LIMCH1: variants seen among roughly 807,000 people sequenced by gnomAD.
LIMCH1 encodes the protein LIM and calponin homology domains 1, also known as LIM and calponin homology domains-containing protein 1.
In LIMCH1, 113 loss-of-function variants were observed where a neutral mutation model predicts 176.5. The observed-to-expected ratio is 0.64, with a 90% CI of 0.55 to 0.75. The LOEUF is 0.75. LIMCH1 is among the 30% of genes least tolerant of loss of function. The pLI is 0.00. For missense variants in LIMCH1, 1,674 were observed against 1,814.9 expected, an observed-to-expected ratio of 0.92 and a Z score of 1.41; for synonymous variants, 619 against 645.9, an observed-to-expected ratio of 0.96 and a Z score of 0.63.
At chr4:41,399,929 A>G (rs1321732382) in intron 1 of LIMCH1, among the ~76,000 whole-genome samples, 2 of 141,894 alleles carry the variant, frequency 1.4e-5, no homozygotes, top group African/African-American at 2.7e-5. Context: ...TGATTCGCCC[A>G]CCTCAGCCTC....
chr4:41,606,801 A>T (rs1055583232), intron 4 of LIMCH1, among the ~76,000 whole-genome samples: 3 of 152,002 alleles, frequency 2.0e-5, no homozygotes, highest in Non-Finnish European at 4.4e-5. Context: ...TACTTTTTTA[A>T]TTATTTTATT....
Position 41,631,294 on chromosome 4 carries a change from C to T in LIMCH1, c.1418C>T (p.Pro473Leu). Residue 473 changes from proline (P) to leucine (L), a missense_variant, in exon 10 of 32, where the codon CCA becomes CTA. Coordinates refer to ENST00000503057, the MANE Select transcript of LIMCH1 (RefSeq NM_001330672.2). ...AGGCAAAAGTTTGTGCACTTTGGGC[C>T]AGTGACGGAGCTAGATCAGCAGAAA... ...SPRQKFVHFGPVTELDQQKWK... is the reference protein window; with the variant it reads ...SPRQKFVHFGLVTELDQQKWK... 1 of 1,535,970 alleles carries T rather than the reference C, an allele frequency of 6.5e-7. No homozygotes were observed. Among genetic ancestry groups the T allele is most frequent in the East Asian group, 2.4e-5 (1 of 40,904 alleles).
intron 4 of LIMCH1, chr4:41,613,031 G>A: frequency 6.4e-7 from 1 of 1,552,030 alleles, no homozygotes; most frequent in Non-Finnish European, 8.7e-7. Context: ...AGCAAAAGTT[G>A]CACAGCTAAA....
intron 18 of LIMCH1, among the ~76,000 whole-genome samples, chr4:41,659,067 TG>T (rs1310413867): frequency 1.3e-5 from 2 of 152,214 alleles, no homozygotes; most frequent in East Asian, 3.8e-4. Flanking sequence ...CTTATTCTTT[TG>T]CAATGCTAAA....
At chr4:41,579,073 C>T (rs2084972412) in intron 1 of LIMCH1, among the ~76,000 whole-genome samples, 1 of 149,826 alleles carries the variant, frequency 6.7e-6, no homozygotes, top group Non-Finnish European at 1.5e-5. Context: ...TTAATGGGAC[C>T]AAAACCTTAA....
rs565027709 is a variant in LIMCH1 at position 41,523,163 on chromosome 4, A to T, written c.168-1246A>T. Among the ~76,000 whole-genome samples the T allele has an allele frequency of 7.2e-5, 11 of 152,298 alleles. 1 individual carries two copies. The South Asian group carries it at 2.1e-3, about 29-fold the overall frequency. ...TCAAGACTATTAAACCATTTGAAAA[A>T]TTTTTGTTACTGATCTGTAGAAATC... On this transcript the variant is annotated intron_variant, in intron 2 of 26. Coordinates refer to the LIMCH1 transcript ENST00000313860.
At chr4:41,667,257 A>G (rs1215605636) in intron 21 of LIMCH1, among the ~76,000 whole-genome samples, 1 of 152,148 alleles carries the variant, frequency 6.6e-6, no homozygotes, top group East Asian at 1.9e-4. Flanking sequence ...TTTTGAGAAA[A>G]AGCTTTATTT....
At chr4:41,622,609 C>T (rs1407092253) in intron 7 of LIMCH1, among the ~76,000 whole-genome samples, 3 of 152,316 alleles carry the variant, frequency 2.0e-5, no homozygotes, top group South Asian at 2.1e-4. Flanking sequence ...AGTCCATACA[C>T]GTACTGTGCC....
At chr4:41,540,942 C>T (rs916611900) in intron 1 of LIMCH1, among the ~76,000 whole-genome samples, 1 of 152,144 alleles carries the variant, frequency 6.6e-6, no homozygotes, top group Non-Finnish European at 1.5e-5. Flanking sequence ...TGTTCTCTAC[C>T]TTTTAAAAAG....
chr4:41,593,402 G>A (rs1428250392), intron 1 of LIMCH1, among the ~76,000 whole-genome samples: 1 of 152,216 alleles, frequency 6.6e-6, no homozygotes, highest in Non-Finnish European at 1.5e-5. Flanking sequence ...CAATTAGCCA[G>A]AAATGGTAAC....
chr4:41,594,467 T>C (rs996504688), intron 1 of LIMCH1, among the ~76,000 whole-genome samples: 1 of 152,224 alleles, frequency 6.6e-6, no homozygotes, highest in Admixed American at 6.5e-5. Context: ...CTGGAAATTG[T>C]AAATGTGGAA....
intron 21 of LIMCH1, among the ~76,000 whole-genome samples, chr4:41,670,143 T>A (rs1311185181): frequency 2.6e-5 from 4 of 152,218 alleles, no homozygotes; most frequent in African/African-American, 9.6e-5. Flanking sequence ...CAGTAAAATA[T>A]GTGCGCATTA....
chr4:41,609,202 G>C (rs1381525770), intron 4 of LIMCH1, among the ~76,000 whole-genome samples: 1 of 151,272 alleles, frequency 6.6e-6, no homozygotes, highest in African/African-American at 2.4e-5. Flanking sequence ...CTGCCTAAAA[G>C]AGCAACCATC....
chr4:41,505,925 G>GACACACACACACACACACACACACACAC (rs36212568), intron 2 of LIMCH1, among the ~76,000 whole-genome samples: 6 of 134,658 alleles, frequency 4.5e-5, no homozygotes, highest in African/African-American at 1.7e-4. Context: ...CTGTGTTTCT[G>GACACACACACACACACACACACACACAC]ACACACACAC....
chr4:41,362,899 A>G (rs2052361594), intron 1 of LIMCH1, among the ~76,000 whole-genome samples: 1 of 152,114 alleles, frequency 6.6e-6, no homozygotes, highest in Non-Finnish European at 1.5e-5. Flanking sequence ...ACAGTTTGGG[A>G]TTGTTCTTGA....
At chr4:41,434,494 C>A (rs1053614625) in intron 1 of LIMCH1, among the ~76,000 whole-genome samples, 4 of 152,190 alleles carry the variant, frequency 2.6e-5, no homozygotes, top group African/African-American at 9.7e-5. Context: ...TTCCCTCTCC[C>A]CATACACCTG....
intron 1 of LIMCH1, among the ~76,000 whole-genome samples, chr4:41,435,931 G>A (rs1003555471): frequency 6.6e-6 from 1 of 152,104 alleles, no homozygotes; most frequent in African/African-American, 2.4e-5. Context: ...TAAAACAGTT[G>A]CCACTACGTG....
intron 1 of LIMCH1, among the ~76,000 whole-genome samples, chr4:41,569,745 T>A (rs961382311): frequency 2.0e-5 from 3 of 152,162 alleles, no homozygotes; most frequent in African/African-American, 7.2e-5. Flanking sequence ...GTTTCAAAGA[T>A]AATGAAACAT....
intron 2 of LIMCH1, among the ~76,000 whole-genome samples, chr4:41,495,016 G>A (rs2071830262): frequency 6.6e-6 from 1 of 152,132 alleles, no homozygotes; most frequent in South Asian, 2.1e-4. Context: ...CTTAAAACAT[G>A]CCGGGTAATG....
Sources: gnomAD v4.1 joint callset for allele counts (sites outside exome capture counted in the v4.1 genomes callset) on GRCh38, gnomAD v4.1.1 for gene constraint, MANE v1.5 for transcripts, NCBI Gene and HGNC (gene_info 2026-07-23, HGNC 2026-07-21) for gene names.